NRG3: variants seen among roughly 807,000 people sequenced by gnomAD.
The protein encoded by NRG3 is neuregulin 3.
Under a neutral mutation model 66.9 loss-of-function variants are expected in NRG3, and 31 were observed. That is an observed-to-expected ratio of 0.46 (90% confidence interval 0.35 to 0.63). The LOEUF is 0.63. NRG3 is among the 20% of genes least tolerant of loss of function. The pLI, the probability that NRG3 is intolerant of heterozygous loss-of-function variation, is 0.00. For missense variants in NRG3, 910 were observed against 878.9 expected (o/e 1.04, Z -0.45); for synonymous variants, 393 against 359.4 (o/e 1.09, Z -1.06).
intron 2 of NRG3, among the ~76,000 whole-genome samples, chr10:82,617,903 T>TA (rs552959756): frequency 6.2e-4 from 94 of 152,226 alleles, no homozygotes; most frequent in African/African-American, 2.2e-3. Context: ...ACTGCTCTTA[T>TA]AAAAAAGTCA....
chr10:82,314,220 G>GC lies in NRG3; in HGVS notation c.824-44519_824-44518insC, dbSNP rs1349106569. Among the ~76,000 whole-genome samples, 8 of 152,268 alleles carry GC rather than the reference G, an allele frequency of 5.3e-5. No homozygotes were observed. The South Asian group carries it at 1.7e-3, about 32-fold the overall frequency. ...ATCCCCTATTTTCTCTCATTAGCTTGACAACAGAACTTTAATCCACATGAG... is the reference window on the plus strand; with the variant it reads ...ATCCCCTATTTTCTCTCATTAGCTTGCACAACAGAACTTTAATCCACATGAG... On this transcript the variant is annotated intron_variant, in intron 1 of 8. Coordinates refer to ENST00000372141, the MANE Select transcript of NRG3 (RefSeq NM_001010848.4).
chr10:82,181,594 A>G (rs1034016632), intron 1 of NRG3, among the ~76,000 whole-genome samples: 1 of 151,748 alleles, frequency 6.6e-6, no homozygotes, highest in Non-Finnish European at 1.5e-5. Flanking sequence ...ATTTATTTCT[A>G]ATTTCATTCC....
chr10:82,334,694 T>A (rs2135316536), intron 1 of NRG3, among the ~76,000 whole-genome samples: 1 of 152,362 alleles, frequency 6.6e-6, no homozygotes, highest in Non-Finnish European at 1.5e-5. Flanking sequence ...ATATCACTGA[T>A]AGGTGAGTGT....
intron 1 of NRG3, among the ~76,000 whole-genome samples, chr10:82,209,040 C>A (rs2075269036): frequency 6.6e-6 from 1 of 152,084 alleles, no homozygotes; most frequent in Non-Finnish European, 1.5e-5. Context: ...GAAAGAGAAA[C>A]ATTGATTACT....
intron 1 of NRG3, among the ~76,000 whole-genome samples, chr10:82,204,547 C>T (rs1026607812): frequency 6.6e-6 from 1 of 152,180 alleles, no homozygotes; most frequent in Non-Finnish European, 1.5e-5. Context: ...AAAGGAAATT[C>T]TCCAGTCAAG....
intron 1 of NRG3, among the ~76,000 whole-genome samples, chr10:82,320,228 T>C (rs2081495771): frequency 6.6e-6 from 1 of 152,190 alleles, no homozygotes; most frequent in Non-Finnish European, 1.5e-5. Context: ...CCATATTGGA[T>C]AATTTTGACA....
intron 2 of NRG3, among the ~76,000 whole-genome samples, chr10:82,597,961 T>C (rs1273339683): frequency 6.6e-6 from 1 of 151,788 alleles, no homozygotes; most frequent in Non-Finnish European, 1.5e-5. Flanking sequence ...TCTATGACCG[T>C]GACCTTACAA....
chr10:82,971,436 C>CTTT (rs11289529), intron 6 of NRG3, among the ~76,000 whole-genome samples: 3 of 121,888 alleles, frequency 2.5e-5, no homozygotes, highest in Non-Finnish European at 5.2e-5. Flanking sequence ...GAAAGCCGTT[C>CTTT]TTTTTTTTTT....
At chr10:82,594,277 C>T (rs191785904) in intron 2 of NRG3, among the ~76,000 whole-genome samples, 4 of 152,228 alleles carry the variant, frequency 2.6e-5, no homozygotes, top group Admixed American at 2.0e-4. Context: ...CAGACTATAT[C>T]ATTTCTGCAC....
At chr10:82,036,604 A>G (rs2062802640) in intron 1 of NRG3, among the ~76,000 whole-genome samples, 1 of 152,140 alleles carries the variant, frequency 6.6e-6, no homozygotes, top group Admixed American at 6.6e-5. Flanking sequence ...TTAAAGTTGT[A>G]GTAAGTAGCA....
intron 2 of NRG3, among the ~76,000 whole-genome samples, chr10:82,697,618 C>A (rs1377379336): frequency 6.6e-6 from 1 of 152,162 alleles, no homozygotes; most frequent in Non-Finnish European, 1.5e-5. Flanking sequence ...ATATTACCAA[C>A]AAACTAAAGG....
intron 1 of NRG3, among the ~76,000 whole-genome samples, chr10:82,351,058 A>AT (rs2083407515): frequency 6.6e-6 from 1 of 152,048 alleles, no homozygotes; most frequent in Middle Eastern, 3.4e-3. Flanking sequence ...TGCCTGGCTA[A>AT]TTTTTTTGTG....
chr10:82,925,515 G>T (rs1461127053), intron 4 of NRG3, among the ~76,000 whole-genome samples: 1 of 152,198 alleles, frequency 6.6e-6, no homozygotes, highest in Admixed American at 6.5e-5. Context: ...CATTGCTATT[G>T]TTGTTGTCTG....
chr10:82,612,192 A>T (rs562772972), intron 2 of NRG3, among the ~76,000 whole-genome samples: 2 of 152,182 alleles, frequency 1.3e-5, no homozygotes, highest in South Asian at 2.1e-4. Context: ...AGATTGCAAA[A>T]ATTTTCTCCC....
chr10:82,236,332 C>T (rs953495013), intron 1 of NRG3, among the ~76,000 whole-genome samples: 1 of 152,156 alleles, frequency 6.6e-6, no homozygotes, highest in Non-Finnish European at 1.5e-5. Context: ...TGTTCACAAC[C>T]AAGGCCTGCG....
chr10:82,312,777 C>T (rs1489874587), intron 1 of NRG3, among the ~76,000 whole-genome samples: 2 of 149,078 alleles, frequency 1.3e-5, no homozygotes, highest in Non-Finnish European at 3.0e-5. Flanking sequence ...TTAGAGCTTT[C>T]TTTTTTTTTT....
intron 4 of NRG3, among the ~76,000 whole-genome samples, chr10:82,919,353 G>A (rs566761943): frequency 6.6e-6 from 1 of 152,128 alleles, no homozygotes; most frequent in South Asian, 2.1e-4. Flanking sequence ...TTCTAGTCTG[G>A]CCTGCTAACT....
chr10:82,756,326 G>T (rs149988110), intron 3 of NRG3, among the ~76,000 whole-genome samples: 5 of 152,200 alleles, frequency 3.3e-5, no homozygotes, highest in African/African-American at 1.2e-4. Context: ...TTTGGGGTCA[G>T]TCATGAATAA....
rs146614690 is a variant in NRG3, at chr10:82,298,247, G to C, written c.824-60492G>C. Among the ~76,000 whole-genome samples the C allele has an allele frequency of 3.7e-3, 553 of 150,194 alleles. 2 individuals carry two copies. Among genetic ancestry groups the C allele is most frequent in the African/African-American group, 0.013 (525 of 41,048 alleles). On this transcript the variant is annotated intron_variant, in intron 1 of 8. Coordinates refer to ENST00000372141, the MANE Select transcript of NRG3 (RefSeq NM_001010848.4). Reference sequence around the variant, plus strand: ...GGAGGGAGGGAGGGAGGAAGGAAGAGATGGAGGGAGGGAGGGAAGGAAGGG... The same window carrying C: ...GGAGGGAGGGAGGGAGGAAGGAAGACATGGAGGGAGGGAGGGAAGGAAGGG...
Sources: gnomAD v4.1 joint callset for allele counts (sites outside exome capture counted in the v4.1 genomes callset) on GRCh38, gnomAD v4.1.1 for gene constraint, MANE v1.5 for transcripts, NCBI Gene and HGNC (gene_info 2026-07-23, HGNC 2026-07-21) for gene names.